TMC5: variants seen among roughly 807,000 people sequenced by gnomAD.
The protein encoded by TMC5 is transmembrane channel like 5.
TMC5 carries 86 observed loss-of-function variants against 110.5 expected under a neutral mutation model. That is an observed-to-expected ratio of 0.78 (90% CI 0.65 to 0.93). The LOEUF is 0.93. Ranked by LOEUF, TMC5 falls within the 40% of genes least tolerant of loss-of-function variation. The probability of loss-of-function intolerance (pLI) is 0.00; values close to 1 mark genes in which losing one functional copy is unlikely to be tolerated. For synonymous variants in TMC5, 455 were observed against 439.5 expected (o/e 1.04, Z -0.44); for missense variants, 1,144 against 1,222.8 (o/e 0.94, Z 0.96).
intron 13 of TMC5, among the ~76,000 whole-genome samples, chr16:19,478,980 C>T (rs1357651441): frequency 2.6e-5 from 4 of 152,206 alleles, no homozygotes; most frequent in African/African-American, 7.2e-5. Context: ...TTTACACTAG[C>T]CTACTAAACC....
At chr16:19,426,775 C>T (rs1967095451) in intron 1 of TMC5, among the ~76,000 whole-genome samples, 1 of 152,132 alleles carries the variant, frequency 6.6e-6, no homozygotes, top group Non-Finnish European at 1.5e-5. Flanking sequence ...TAAATGCTCA[C>T]CTTCTCTGTG....
chr16:19,437,718 C>T (rs1202768295), intron 2 of TMC5, among the ~76,000 whole-genome samples: 1 of 152,152 alleles, frequency 6.6e-6, no homozygotes, highest in Non-Finnish European at 1.5e-5. Context: ...TCCTTCTCAT[C>T]CTTTCCCTAC....
chr16:19,471,506 ATGGTCCCGATC>A (rs1460052440), intron 10 of TMC5, among the ~76,000 whole-genome samples: 2 of 152,194 alleles, frequency 1.3e-5, no homozygotes, highest in Non-Finnish European at 2.9e-5. Flanking sequence ...TCTTAAGAAC[ATGGTCCCGATC>A]TATTAATTCC....
rs1967443034 is a variant in TMC5 at position 19,439,994 on chromosome 16, ATGCTGGGACAGT to A, written c.-43_-32del. On this transcript the variant is annotated 5_prime_UTR_variant, in exon 3 of 22. It removes an upstream start codon present in the reference 5' UTR. Coordinates refer to ENST00000542583, the MANE Select transcript of TMC5 (RefSeq NM_001261841.2). ...AAAAAAGATCCCTGAGTAATTGCAA[ATGCTGGGACAGT>A]TTACCACTCCAGGGTGAAGAGTCCA... 2 of 1,467,384 alleles carry A rather than the reference ATGCTGGGACAGT, an allele frequency of 1.4e-6. No individual in the cohort carries two copies. The allele number at this position is 1,467,384 out of a possible 1,614,324, so 90.9% of individuals were successfully genotyped here. A position where few individuals can be genotyped will look rare whatever the true frequency, so the allele number is the denominator to read the frequency against.
intron 1 of TMC5, among the ~76,000 whole-genome samples, chr16:19,429,466 A>G (rs1032486168): frequency 3.0e-4 from 45 of 152,230 alleles, no homozygotes; most frequent in Non-Finnish European, 7.3e-5. Flanking sequence ...CAAAGTAATC[A>G]TTACACTAAT....
chr16:19,492,121 G>C (rs1255477039), intron 18 of TMC5, 29 bp from the exon 19 acceptor site: 2 of 1,554,544 alleles, frequency 1.3e-6, no homozygotes, highest in Non-Finnish European at 1.8e-6. Context: ...ATTTGCAAGA[G>C]TGTCATTCTT....
intron 1 of TMC5, among the ~76,000 whole-genome samples, chr16:19,421,080 C>T (rs1478418443): frequency 6.6e-6 from 1 of 152,098 alleles, no homozygotes; most frequent in East Asian, 1.9e-4. Flanking sequence ...TCATGGACAC[C>T]TGGATCGCAA....
chr16:19,484,951 T>A (rs932937091), intron 15 of TMC5, among the ~76,000 whole-genome samples: 1 of 151,516 alleles, frequency 6.6e-6, no homozygotes, highest in Non-Finnish European at 1.5e-5. Flanking sequence ...TACAAGAAGA[T>A]AATATAATGA....
At chr16:19,459,159 C>A (rs1244101434) in intron 5 of TMC5, among the ~76,000 whole-genome samples, 2 of 151,886 alleles carry the variant, frequency 1.3e-5, no homozygotes, top group Non-Finnish European at 2.9e-5. Flanking sequence ...CAGTCACCTG[C>A]AAGGGGACAG....
intron 7 of TMC5, among the ~76,000 whole-genome samples, 191 bp downstream of exon 7, chr16:19,463,558 C>T (rs546376288): frequency 1.3e-5 from 2 of 152,286 alleles, no homozygotes; most frequent in South Asian, 2.1e-4. Context: ...GTTCATTGGC[C>T]AACTTGGCCA....
At chr16:19,437,538 A>T (rs1967375012) in intron 2 of TMC5, among the ~76,000 whole-genome samples, 3 of 152,214 alleles carry the variant, frequency 2.0e-5, no homozygotes, top group Non-Finnish European at 4.4e-5. Flanking sequence ...GCAGAAAGTT[A>T]ATATTATCGT....
intron 4 of TMC5, among the ~76,000 whole-genome samples, chr16:19,444,498 C>G (rs532218526): frequency 6.6e-6 from 1 of 152,136 alleles, no homozygotes; most frequent in African/African-American, 2.4e-5. Flanking sequence ...CTGTTCCTAC[C>G]AGAGTTGGTG....
chr16:19,443,749 G>C (rs1308874997), intron 3 of TMC5, among the ~76,000 whole-genome samples: 1 of 152,100 alleles, frequency 6.6e-6, no homozygotes, highest in Non-Finnish European at 1.5e-5. Context: ...TAGATGGATG[G>C]ATGAATGTAT....
At chr16:19,416,784 A>G (rs1011399432), upstream of TMC5, among the ~76,000 whole-genome samples, 6 of 152,136 alleles carry the variant, frequency 3.9e-5, no homozygotes, top group Non-Finnish European at 5.9e-5. Flanking sequence ...GCCAAAGGGG[A>G]TGTATCTATA....
chr16:19,490,713 TC>T (rs1968866403), intron 18 of TMC5, 145 bp downstream of exon 18: 2 of 49,920 alleles, frequency 4.0e-5, no homozygotes, highest in East Asian at 2.5e-4. Context: ...TAGTTTTCTT[TC>T]CTTCCTTCCT....
upstream of TMC5, among the ~76,000 whole-genome samples, chr16:19,414,310 C>T (rs769334739): frequency 6.6e-6 from 1 of 152,194 alleles, no homozygotes; most frequent in South Asian, 2.1e-4. Context: ...TTTTCTTTGA[C>T]TGTTCCTGTT....
At chr16:19,480,482 T>C (rs1036221666) in intron 14 of TMC5, among the ~76,000 whole-genome samples, 1 of 152,176 alleles carries the variant, frequency 6.6e-6, no homozygotes, top group African/African-American at 2.4e-5. Flanking sequence ...GCTTTTATTC[T>C]AGCCTCTGTC....
intron 14 of TMC5, among the ~76,000 whole-genome samples, chr16:19,480,708 G>A (rs1012928075): frequency 1.3e-5 from 2 of 151,554 alleles, no homozygotes; most frequent in Non-Finnish European, 2.9e-5. Flanking sequence ...GGGAGGCTGA[G>A]GCAGGAGAAT....
chr16:19,474,268 C>A lies in TMC5; in HGVS notation c.2082C>A (p.Leu694=). 6.2e-7 allele frequency: 1 copy of A among 1,613,896 alleles called. No individual in the cohort carries two copies. Among genetic ancestry groups the A allele is most frequent in the Non-Finnish European group, 8.5e-7 (1 of 1,179,862 alleles). The part of the protein sequence containing the change: ...YEMPRHEVYV[L]LIRNIFLKIS... ...TGCCACGGCACGAAGTCTACGTTCT[C>A]CTGATCCGGTAGGTGATGTGTCGCG... Residue 694 remains leucine (L), a synonymous_variant, in exon 12 of 22, where the codon CTC becomes CTA. Coordinates refer to ENST00000542583, the MANE Select transcript of TMC5 (RefSeq NM_001261841.2).
Sources: gnomAD v4.1 joint callset for allele counts (sites outside exome capture counted in the v4.1 genomes callset) on GRCh38, gnomAD v4.1.1 for gene constraint, MANE v1.5 for transcripts, NCBI Gene and HGNC (gene_info 2026-07-23, HGNC 2026-07-21) for gene names.